APPL2: variants seen among roughly 807,000 people sequenced by gnomAD.
The protein encoded by APPL2 is DCC-interacting protein 13-beta.
Under a neutral mutation model 92.7 loss-of-function variants are expected in APPL2, and 84 were observed. The observed-to-expected ratio is 0.91, with a 90% CI of 0.76 to 1.09. The LOEUF is 1.09. Ranked by LOEUF, APPL2 falls within the 50% of genes least tolerant of loss-of-function variation. APPL2 has a pLI of 0.00. For synonymous variants in APPL2, 291 were observed against 291.0 expected, an observed-to-expected ratio of 1.00 and a Z score of 0.00; for missense variants, 736 against 824.5, an observed-to-expected ratio of 0.89 and a Z score of 1.31.
At chr12:105,200,553 C>CT in intron 9 of APPL2, among the ~76,000 whole-genome samples, 1 of 152,298 alleles carries the variant, frequency 6.6e-6, no homozygotes, top group African/African-American at 2.4e-5. Flanking sequence ...CCCTTTTCCC[C>CT]TACTGAGCTA....
Position 105,214,780 on chromosome 12 carries a change from T to C in APPL2, c.285+2289A>G, listed in dbSNP as rs12296385. On this transcript the variant is annotated intron_variant, in intron 4 of 20. Coordinates refer to ENST00000258530, the MANE Select transcript of APPL2 (RefSeq NM_018171.5). ...TCCTGGTGGCCTCCAGGATAGGGGC[T>C]GGTCACCAGAAACACCAAACCACGA... Among the ~76,000 whole-genome samples, 534 of 152,300 alleles carry C rather than the reference T, an allele frequency of 3.5e-3. 4 individuals carry two copies. The highest frequency in any genetic ancestry group is 0.012 in the African/African-American group (509 of 41,566).
Position 105,185,873 on chromosome 12 carries a change from A to G in APPL2, c.1634+2400T>C, listed in dbSNP as rs59811168. 8.3e-3 allele frequency among the ~76,000 whole-genome samples: 1,257 copies of G among 152,220 alleles called. 17 individuals are homozygous for G. Among genetic ancestry groups the G allele is most frequent in the African/African-American group, 0.027 (1,119 of 41,528 alleles). ...ATAACTTTGTGCAGCCATTACCACTATCTAGTCCCAGGACATTTTTATCAT... is the reference window on the plus strand; with the variant it reads ...ATAACTTTGTGCAGCCATTACCACTGTCTAGTCCCAGGACATTTTTATCAT... On this transcript the variant is annotated intron_variant, in intron 17 of 20. Transcript: ENST00000258530.
chr12:105,207,554 C>G (rs1888834785), intron 7 of APPL2, among the ~76,000 whole-genome samples: 1 of 152,060 alleles, frequency 6.6e-6, no homozygotes, highest in Non-Finnish European at 1.5e-5. Flanking sequence ...ATAATTTAGC[C>G]CAAGGAAATC....
rs138919390 is a variant in APPL2, at chr12:105,179,893, T to C, written c.1635-2631A>G. On this transcript the variant is annotated intron_variant, in intron 17 of 20. Transcript: ENST00000258530. ...ATTAGCCCTCTGTCAGATGGATAGATTGAAAAAATTTTCTCCCATTCTGTA... is the reference window on the plus strand; with the variant it reads ...ATTAGCCCTCTGTCAGATGGATAGACTGAAAAAATTTTCTCCCATTCTGTA... Among the ~76,000 whole-genome samples, 1,455 of 152,346 alleles carry C rather than the reference T, an allele frequency of 9.6e-3. 12 individuals carry two copies. Among genetic ancestry groups the C allele is most frequent in the Non-Finnish European group, 0.014 (977 of 68,032 alleles).
chr12:105,222,232 C>T (rs1213550464), intron 2 of APPL2, among the ~76,000 whole-genome samples: 2 of 151,978 alleles, frequency 1.3e-5, no homozygotes, highest in Non-Finnish European at 2.9e-5. Flanking sequence ...TGGGGAAGCA[C>T]CAAGGAACTC....
intron 17 of APPL2, among the ~76,000 whole-genome samples, chr12:105,186,667 T>TATATATG (rs1243605201): frequency 1.2e-4 from 4 of 33,124 alleles, no homozygotes; most frequent in African/African-American, 2.6e-4. Context: ...ATATATATCA[T>TATATATG]ATATATGATA....
intron 4 of APPL2, among the ~76,000 whole-genome samples, chr12:105,213,299 C>T (rs768057048): frequency 6.6e-5 from 10 of 152,268 alleles, no homozygotes; most frequent in Non-Finnish European, 1.0e-4. Flanking sequence ...GTGAGTTGTA[C>T]AGGATAATCA....
At chr12:105,176,138 G>A in intron 19 of APPL2, 56 bp from the exon 20 acceptor site, 1 of 1,481,132 alleles carries the variant, frequency 6.8e-7, no homozygotes, top group Non-Finnish European at 9.3e-7. Flanking sequence ...TAAAATTTTA[G>A]AACAAATGTG....
At chr12:105,196,060 A>C (rs1887615631) in intron 11 of APPL2, among the ~76,000 whole-genome samples, 1 of 133,160 alleles carries the variant, frequency 7.5e-6, no homozygotes, top group African/African-American at 3.8e-5. Flanking sequence ...ATCTCAAACA[A>C]AAAAAAAAAA....
intron 17 of APPL2, among the ~76,000 whole-genome samples, chr12:105,182,110 C>T (rs1812604747): frequency 1.3e-5 from 2 of 152,282 alleles, no homozygotes; most frequent in African/African-American, 2.4e-5. Flanking sequence ...CTGCAACCTC[C>T]ACCTCCCTGG....
At chr12:105,177,435 G>C (rs1885663091) in intron 17 of APPL2, 173 bp from the exon 18 acceptor site, 8 of 641,472 alleles carry the variant, frequency 1.2e-5, no homozygotes, top group Non-Finnish European at 2.2e-5. Flanking sequence ...TGCCTTTAAG[G>C]AACCTGTGTA....
chr12:105,176,782 C>A (rs1339722546), intron 19 of APPL2, 94 bp downstream of exon 19: 5 of 1,467,944 alleles, frequency 3.4e-6, no homozygotes, highest in Non-Finnish European at 4.6e-6. Flanking sequence ...GCAGAATAAT[C>A]AACTAAATAT....
In APPL2 at chr12:105,229,131, T is replaced by C; in HGVS notation, c.147A>G (p.Gly49=). The C allele has an allele frequency of 6.2e-7, 1 of 1,610,642 alleles. No homozygotes were observed. Among genetic ancestry groups the C allele is most frequent in the Non-Finnish European group, 8.5e-7 (1 of 1,178,662 alleles). Residue 49 remains glycine (G), a synonymous_variant, in exon 2 of 21, where the codon GGA becomes GGG. Coordinates refer to ENST00000258530, the MANE Select transcript of APPL2 (RefSeq NM_018171.5). ...GTGAGGGGTGGCAGCATACCTGGGC[T>C]CCATAGACGCGCTGCATTGCCTGGA... ...QLLQAMQRVY[G]AQNEMCLATQ...
chr12:105,202,976 C>T (rs553325526), intron 9 of APPL2, among the ~76,000 whole-genome samples: 94 of 151,036 alleles, frequency 6.2e-4, no homozygotes, highest in African/African-American at 2.0e-3. Flanking sequence ...AATAAAATTC[C>T]TATTCATTAT....
At chr12:105,224,641 CCT>C (rs1350066636) in intron 2 of APPL2, among the ~76,000 whole-genome samples, 1 of 152,218 alleles carries the variant, frequency 6.6e-6, no homozygotes, top group Non-Finnish European at 1.5e-5. Context: ...AAATACCTCC[CCT>C]CTGTTGTGAA....
chr12:105,182,141 C>A (rs899309471), intron 17 of APPL2, among the ~76,000 whole-genome samples: 1 of 152,088 alleles, frequency 6.6e-6, no homozygotes, highest in Non-Finnish European at 1.5e-5. Flanking sequence ...TTCTCCTGCT[C>A]CAGCCTCTCC....
chr12:105,211,386 C>G (rs1889205535), intron 4 of APPL2, 69 bp from the exon 5 acceptor site: 3 of 1,166,872 alleles, frequency 2.6e-6, no homozygotes, highest in Middle Eastern at 1.9e-4. Context: ...CTCATTTCAC[C>G]AAGGAATCAC....
chr12:105,213,989 C>T (rs889233396), intron 4 of APPL2, among the ~76,000 whole-genome samples: 3 of 151,910 alleles, frequency 2.0e-5, no homozygotes, highest in Non-Finnish European at 2.9e-5. Flanking sequence ...AGTTCAAGAC[C>T]AGCCTGACCA....
intron 8 of APPL2, among the ~76,000 whole-genome samples, chr12:105,206,649 C>A (rs1270381440): frequency 1.3e-5 from 2 of 152,144 alleles, no homozygotes; most frequent in Non-Finnish European, 2.9e-5. Context: ...GAGAGGTGCA[C>A]CTGAGGAGCC....
Sources: allele counts gnomAD v4.1 joint callset (sites outside exome capture counted in the v4.1 genomes callset), GRCh38; gene constraint gnomAD v4.1.1; transcripts MANE v1.5; gene names NCBI Gene and HGNC (gene_info 2026-07-23, HGNC 2026-07-21).